Variants in COG4 observed in about 807,000 individuals in gnomAD.
COG4 encodes the protein component of oligomeric golgi complex 4.
In COG4, 65 loss-of-function variants were observed where a neutral mutation model predicts 95.1. That is an observed-to-expected ratio of 0.68 (90% confidence interval 0.56 to 0.84). The LOEUF is 0.84. Ranked by LOEUF, COG4 falls within the 40% of genes least tolerant of loss-of-function variation. The pLI is 0.00. For missense variants in COG4, 1,045 were observed against 989.1 expected (o/e 1.06, Z -0.76); for synonymous variants, 421 against 374.8 (o/e 1.12, Z -1.42).
chr16:70,517,773 G>A (rs558093577), intron 2 of COG4, 33 bp from the exon 3 acceptor site: 18 of 1,437,960 alleles, frequency 1.3e-5, no homozygotes, highest in East Asian at 9.1e-5. Flanking sequence ...TACACATAAC[G>A]ATAGGGCAGA....
Position 70,480,762 on chromosome 16 carries a change from G to T in COG4, c.*248C>A. ...TGGCCTGGGCTGCTCGCTGCCTGCCGTGGCTTTCCCACCTCATTAGGAGCC... is the reference window on the plus strand; with the variant it reads ...TGGCCTGGGCTGCTCGCTGCCTGCCTTGGCTTTCCCACCTCATTAGGAGCC... On this transcript the variant is annotated 3_prime_UTR_variant, in exon 19 of 19. Coordinates refer to ENST00000323786, the MANE Select transcript of COG4 (RefSeq NM_015386.3). 1.8e-6 allele frequency: 1 copy of T among 542,016 alleles called. No individual in the cohort carries two copies. The highest frequency in any genetic ancestry group is 3.3e-6 in the Non-Finnish European group (1 of 300,230). 33.6% of individuals were successfully genotyped at this position (542,016 alleles called of 1,614,324 possible). A position where few individuals can be genotyped will look rare whatever the true frequency, so the allele number is the denominator to read the frequency against.
chr16:70,517,514 G>T, intron 3 of COG4, 112 bp downstream of exon 3: 1 of 689,322 alleles, frequency 1.5e-6, no homozygotes, highest in South Asian at 1.6e-5. Flanking sequence ...CTTGAGCCCA[G>T]GGAGTTGGGG....
intron 8 of COG4, 99 bp from the exon 9 acceptor site, chr16:70,501,190 G>T: frequency 7.2e-7 from 1 of 1,381,980 alleles, no homozygotes; most frequent in Non-Finnish European, 1.0e-6. Flanking sequence ...TCCCCACTGG[G>T]CCCATAAGGA....
At position 70,496,372 on chromosome 16, in the gene COG4, T is replaced by C; in HGVS notation, c.1541A>G (p.Gln514Arg). 6.2e-7 allele frequency: 1 copy of C among 1,614,192 alleles called. No homozygotes were observed. The highest frequency in any genetic ancestry group is 8.5e-7 in the Non-Finnish European group (1 of 1,180,038). ...GTTCACGGCACTTGTCACCCCGCGC[T>C]GGATGTCCTGGAAGGTGGTGGCAGG... ...GFPATTFQDI[Q>R]RGVTSAVNIM... Residue 514 changes from glutamine (Q) to arginine (R), a missense_variant, in exon 12 of 19, where the codon CAG becomes CGG. By Grantham distance (43) the Gln-to-Arg change is conservative. Coordinates refer to ENST00000323786, the MANE Select transcript of COG4 (RefSeq NM_015386.3).
Position 70,496,347 on chromosome 16 carries a change from G to A in COG4, c.1566C>T (p.Asn522=). The change falls in exon 12 of 19, where the codon AAC becomes AAT. Residue 522 remains asparagine (N), a synonymous_variant. Coordinates refer to ENST00000323786, the MANE Select transcript of COG4 (RefSeq NM_015386.3). ...CTTGCTGGAGGCTGCTGTGCATGAT[G>A]TTCACGGCACTTGTCACCCCGCGCT... ...DIQRGVTSAV[N]IMHSSLQQGK... 6.2e-7 allele frequency: 1 copy of A among 1,614,176 alleles called. No homozygotes were observed. Among genetic ancestry groups the A allele is most frequent in the Non-Finnish European group, 8.5e-7 (1 of 1,180,010 alleles).
intron 8 of COG4, 56 bp downstream of exon 8, chr16:70,508,350 T>C: frequency 2.2e-6 from 3 of 1,382,540 alleles, no homozygotes; most frequent in Non-Finnish European, 3.1e-6. Flanking sequence ...CTGAATTATA[T>C]TACATGATTA....
At chr16:70,522,596 T>A (rs530678663) in intron 1 of COG4, among the ~76,000 whole-genome samples, 32 of 152,252 alleles carry the variant, frequency 2.1e-4, no homozygotes, top group Non-Finnish European at 4.4e-4. Context: ...CTGCCTTTTG[T>A]GCTCAACTTT....
At chr16:70,489,529 TAAA>T (rs58900941) in intron 13 of COG4, among the ~76,000 whole-genome samples, 1 of 142,442 alleles carries the variant, frequency 7.0e-6, no homozygotes, top group African/African-American at 2.6e-5. Flanking sequence ...GATCCTGATT[TAAA>T]AAAAAAAAAA....
intron 7 of COG4, chr16:70,508,983 G>C (rs1228641313): frequency 3.5e-6 from 2 of 576,948 alleles, no homozygotes; most frequent in African/African-American, 3.7e-5. Context: ...TACTACTTCT[G>C]CTGTGTTCTT....
intron 1 of COG4, among the ~76,000 whole-genome samples, chr16:70,520,407 C>T (rs1394974886): frequency 2.4e-5 from 3 of 126,216 alleles, no homozygotes; most frequent in African/African-American, 8.9e-5. Flanking sequence ...TGCAGTGAGC[C>T]GAGATCATGC....
chr16:70,484,029 G>A, intron 13 of COG4, 60 bp from the exon 14 acceptor site: 1 of 1,233,388 alleles, frequency 8.1e-7, no homozygotes, highest in South Asian at 1.2e-5. Context: ...AGTGTGAGGA[G>A]CCACCAGCCA....
At position 70,509,210 on chromosome 16, in the gene COG4, C is replaced by T. The variant is rs1006632204; in HGVS notation, c.1002+21G>A. On this transcript the variant is annotated intron_variant, in intron 7 of 18. Transcript: ENST00000323786. ...TCGCTAAAGCTGCTACCAAACCCTA[C>T]CTGTAGCTTCCCCTGCTCACCTGCT... 3.7e-6 allele frequency: 6 copies of T among 1,613,992 alleles called. No individual in the cohort carries two copies. The Admixed American group carries it at 5.0e-5, about 13-fold the overall frequency.
At chr16:70,508,772 T>C (rs1469363843) in intron 7 of COG4, 2 of 591,022 alleles carry the variant, frequency 3.4e-6, no homozygotes, top group Non-Finnish European at 6.3e-6. Flanking sequence ...GCCACTCCTA[T>C]TTCTATGTCG....
intron 3 of COG4, among the ~76,000 whole-genome samples, chr16:70,516,238 T>C (rs1254843067): frequency 6.6e-6 from 1 of 152,198 alleles, no homozygotes; most frequent in Admixed American, 6.6e-5. Context: ...TTCCACTTGG[T>C]CATAGTATAT....
intron 13 of COG4, among the ~76,000 whole-genome samples, chr16:70,484,685 G>A (rs2049091520): frequency 6.6e-6 from 1 of 152,200 alleles, no homozygotes; most frequent in Non-Finnish European, 1.5e-5. Flanking sequence ...AGGACCACTT[G>A]CGGCCAGAGT....
chr16:70,491,514 C>A (rs2151745592), intron 12 of COG4, among the ~76,000 whole-genome samples: 1 of 70,830 alleles, frequency 1.4e-5, no homozygotes. Flanking sequence ...GAGCAAGACT[C>A]TGTCTCAAAA....
chr16:70,481,266 G>A, intron 18 of COG4, 93 bp downstream of exon 18: 1 of 1,607,308 alleles, frequency 6.2e-7, no homozygotes, highest in African/African-American at 1.3e-5. Flanking sequence ...AGAGCTGGCT[G>A]CTGGCAGACA....
chr16:70,504,187 T>A (rs1288825501), intron 8 of COG4, among the ~76,000 whole-genome samples: 1 of 152,140 alleles, frequency 6.6e-6, no homozygotes, highest in Non-Finnish European at 1.5e-5. Context: ...TGAGGGCGAT[T>A]TTATTCCCAG....
chr16:70,499,218 G>C (rs1296424797), intron 9 of COG4, among the ~76,000 whole-genome samples: 1 of 151,882 alleles, frequency 6.6e-6, no homozygotes, highest in African/African-American at 2.4e-5. Context: ...ATCCAGCTGA[G>C]AAAGATGAAT....
Sources: gnomAD v4.1 joint callset for allele counts (sites outside exome capture counted in the v4.1 genomes callset) on GRCh38, gnomAD v4.1.1 for gene constraint, MANE v1.5 for transcripts, NCBI Gene and HGNC (gene_info 2026-07-23, HGNC 2026-07-21) for gene names.